The following KANSL1L variants were observed in gnomAD, a reference collection of about 807,000 sequenced individuals.
KANSL1L encodes KAT8 regulatory NSL complex subunit 1-like protein.
A neutral mutation model predicts 108.6 loss-of-function variants in KANSL1L; 25 were observed. That is an observed-to-expected ratio of 0.23 (90% CI 0.17 to 0.32). The LOEUF (loss-of-function observed/expected upper bound fraction) is 0.32. Ranked by LOEUF, KANSL1L falls within the 10% of genes least tolerant of loss-of-function variation. The pLI is 1.00. For missense variants in KANSL1L, 1,137 were observed against 1,125.7 expected, an observed-to-expected ratio of 1.01 and a Z score of -0.14; for synonymous variants, 405 against 395.1, an observed-to-expected ratio of 1.03 and a Z score of -0.30.
chr2:210,119,245 T>G (rs1335483634), intron 3 of KANSL1L, among the ~76,000 whole-genome samples: 1 of 151,916 alleles, frequency 6.6e-6, no homozygotes, highest in Admixed American at 6.6e-5. Context: ...CACTGCTGAA[T>G]TTTACCAAAC....
intron 5 of KANSL1L, among the ~76,000 whole-genome samples, chr2:210,081,992 G>A (rs994106985): frequency 2.6e-5 from 4 of 152,124 alleles, no homozygotes; most frequent in African/African-American, 7.2e-5. Flanking sequence ...GAGTGCATCT[G>A]GTATGAACAC....
chr2:210,058,942 C>G (rs1039583302), intron 6 of KANSL1L, among the ~76,000 whole-genome samples: 2 of 151,270 alleles, frequency 1.3e-5, no homozygotes, highest in Non-Finnish European at 2.9e-5. Flanking sequence ...AAATTTCTCT[C>G]TTTTGTACTC....
rs1472272818 is a variant in KANSL1L at position 210,030,053 on chromosome 2, A to G, written c.2156-135T>C. Reference sequence around the variant, plus strand: ...GTTTAAATTCGTGTATTAGAAAACAAAAAAGGAAATGAAAAAAGAGGAGCC... The same window carrying G: ...GTTTAAATTCGTGTATTAGAAAACAGAAAAGGAAATGAAAAAAGAGGAGCC... On this transcript the variant is annotated intron_variant, in intron 9 of 14. Transcript: ENST00000281772. The G allele has an allele frequency of 5.8e-5, 26 of 449,012 alleles. No homozygotes were observed. The Admixed American group carries it at 1.1e-3, about 19-fold the overall frequency. The allele number at this position is 449,012 out of a possible 1,614,324, so 27.8% of individuals were successfully genotyped here. A position where few individuals can be genotyped will look rare whatever the true frequency, so the allele number is the denominator to read the frequency against.
At position 210,044,777 on chromosome 2, in the gene KANSL1L, A is replaced by G. The variant is rs773235296; in HGVS notation, c.1756-673T>C. On this transcript the variant is annotated intron_variant, in intron 6 of 14. Transcript: ENST00000281772. The surrounding 1 kb of genome is among the most constrained non-coding windows in gnomAD (Gnocchi z 4.2). The stretch of plus-strand genomic sequence containing the variant: ...ATTGCATTAACAGATTTTATTTTTT[A>G]TTTTATTTTTTTGAGACAGTCTCGC... 6.6e-6 allele frequency among the ~76,000 whole-genome samples: 1 copy of G among 151,850 alleles called. No homozygotes were observed. Among genetic ancestry groups the G allele is most frequent in the Non-Finnish European group, 1.5e-5 (1 of 67,936 alleles).
intron 6 of KANSL1L, among the ~76,000 whole-genome samples, chr2:210,072,658 C>T (rs1004173968): frequency 7.0e-6 from 1 of 141,872 alleles, no homozygotes; most frequent in Non-Finnish European, 1.5e-5. Context: ...TTTGAGTTCC[C>T]GTGAGTTCCC....
chr2:210,046,796 AAG>A (rs1448409630), intron 6 of KANSL1L, among the ~76,000 whole-genome samples: 1 of 152,134 alleles, frequency 6.6e-6, no homozygotes, highest in Non-Finnish European at 1.5e-5. Flanking sequence ...CACATAGCCT[AAG>A]CCATGGCTCC....
intron 3 of KANSL1L, among the ~76,000 whole-genome samples, chr2:210,105,976 A>G (rs2094843183): frequency 1.3e-5 from 2 of 152,198 alleles, no homozygotes; most frequent in African/African-American, 2.4e-5. Context: ...CAAAATTTCT[A>G]CAAGTCTACA....
intron 6 of KANSL1L, among the ~76,000 whole-genome samples, chr2:210,071,143 G>C (rs371538312): frequency 6.6e-6 from 1 of 152,084 alleles, no homozygotes; most frequent in Non-Finnish European, 1.5e-5. Flanking sequence ...GGGCAACAGA[G>C]TAACACCAAT....
chr2:210,040,295 A>T, intron 8 of KANSL1L, 125 bp downstream of exon 8: 1 of 644,396 alleles, frequency 1.6e-6, no homozygotes, highest in Non-Finnish European at 2.8e-6. Context: ...GTAAAAAGTG[A>T]GTATTAAAAA....
intron 5 of KANSL1L, among the ~76,000 whole-genome samples, chr2:210,077,043 T>G (rs1477173640): frequency 2.6e-5 from 4 of 152,178 alleles, no homozygotes; most frequent in African/African-American, 9.6e-5. Context: ...CTATAAAATA[T>G]TATATTAGCT....
chr2:210,039,793 A>G (rs1390027989), intron 8 of KANSL1L, among the ~76,000 whole-genome samples: 2 of 151,850 alleles, frequency 1.3e-5, no homozygotes, highest in Admixed American at 6.6e-5. Flanking sequence ...TGAGTATGTA[A>G]AAGAATTTTA....
At chr2:210,147,749 C>T (rs546408286) in intron 2 of KANSL1L, among the ~76,000 whole-genome samples, 12 of 152,262 alleles carry the variant, frequency 7.9e-5, no homozygotes, top group African/African-American at 2.4e-4. Context: ...TTAAGTTACT[C>T]TTGTTTGCAA....
At chr2:210,027,425 A>T (rs1246755806) in intron 11 of KANSL1L, 75 bp from the exon 12 acceptor site, 1 of 927,696 alleles carries the variant, frequency 1.1e-6, no homozygotes, top group African/African-American at 1.6e-5. Flanking sequence ...AGCACAGCTA[A>T]ATGTATTAGT....
At chr2:210,070,104 C>T (rs1264681619) in intron 6 of KANSL1L, among the ~76,000 whole-genome samples, 3 of 151,690 alleles carry the variant, frequency 2.0e-5, no homozygotes, top group Non-Finnish European at 4.4e-5. Flanking sequence ...GCTGAGATTA[C>T]AGGCGTGAGC....
chr2:210,109,461 G>A (rs2094883751), intron 3 of KANSL1L, among the ~76,000 whole-genome samples: 1 of 152,018 alleles, frequency 6.6e-6, no homozygotes, highest in Admixed American at 6.6e-5. Flanking sequence ...TGACCATATA[G>A]AATACTGTTT....
chr2:210,156,474 T>C (rs932325350), intron 1 of KANSL1L, among the ~76,000 whole-genome samples: 2 of 152,014 alleles, frequency 1.3e-5, no homozygotes, highest in Non-Finnish European at 2.9e-5. Context: ...GAATACTATA[T>C]TGCCATTAAA....
At position 210,153,887 on chromosome 2, in the gene KANSL1L, T is replaced by G; in HGVS notation, c.696A>C (p.Lys232Asn). 1 of 1,612,176 alleles carries G rather than the reference T, an allele frequency of 6.2e-7. No homozygotes were observed. The change falls in exon 2 of 15, where the codon AAA (lysine) becomes AAC (asparagine). Residue 232 changes from lysine (K) to asparagine (N), a missense_variant. Transcript: ENST00000281772. ...TTCTTCTAGCCTGGCTAAGTAAAAT[T>G]TTCTGTTTGCTTACACAATGAAGTA... ...ARLLHCVSKQKILLSQARRTQ... is the reference protein window; with the variant it reads ...ARLLHCVSKQNILLSQARRTQ...
chr2:210,095,075 C>T (rs1575519436), intron 5 of KANSL1L, among the ~76,000 whole-genome samples: 1 of 152,078 alleles, frequency 6.6e-6, no homozygotes, highest in African/African-American at 2.4e-5. Context: ...AGTGCATCCA[C>T]ACATATCTTA....
chr2:210,164,675 G>T (rs541141617), intron 1 of KANSL1L, among the ~76,000 whole-genome samples: 79 of 151,936 alleles, frequency 5.2e-4, no homozygotes, highest in Admixed American at 7.9e-4. Flanking sequence ...ACAACACACA[G>T]AAATGAAAAT....
Sources: gnomAD v4.1 joint callset for allele counts (sites outside exome capture counted in the v4.1 genomes callset) on GRCh38, gnomAD v4.1.1 for gene constraint, Gnocchi (gnomAD v3.1) non-coding constraint, MANE v1.5 for transcripts, NCBI Gene and HGNC (gene_info 2026-07-23, HGNC 2026-07-21) for gene names.